MINDY3: variants seen among roughly 807,000 people sequenced by gnomAD.
MINDY3 encodes MINDY lysine 48 deubiquitinase 3.
MINDY3 carries 38 observed loss-of-function variants against 69.2 expected under a neutral mutation model. That is an observed-to-expected ratio of 0.55 (90% CI 0.42 to 0.72). MINDY3 has a LOEUF of 0.72. Ranked by LOEUF, MINDY3 falls within the 30% of genes least tolerant of loss-of-function variation. The pLI is 0.00. For missense variants in MINDY3, 522 were observed against 519.0 expected (o/e 1.01, Z -0.06); for synonymous variants, 192 against 180.1 (o/e 1.07, Z -0.53).
rs1835015590 is a variant in MINDY3, at chr10:15,860,393, G to A, written c.-94C>T. The A allele has an allele frequency of 3.3e-6, 3 of 895,748 alleles. No homozygotes were observed. The highest frequency in any genetic ancestry group is 5.4e-6 in the Non-Finnish European group (3 of 554,772). 55.5% of individuals were successfully genotyped at this position (895,748 alleles called of 1,614,324 possible). ...CCGGAAACAGCAGCTGCGGGACGGC[G>A]GCGGCAAACGAATTGGAAGGTGAGG... On this transcript the variant is annotated 5_prime_UTR_variant, in exon 1 of 15. Coordinates refer to ENST00000277632, the MANE Select transcript of MINDY3 (RefSeq NM_024948.4).
intron 8 of MINDY3, among the ~76,000 whole-genome samples, chr10:15,829,714 G>T (rs1437876097): frequency 1.3e-5 from 2 of 152,154 alleles, no homozygotes; most frequent in Admixed American, 6.5e-5. Context: ...CAGACAGAAA[G>T]CTATAGCATG....
chr10:15,818,091 T>C (rs976477774), intron 9 of MINDY3: 1 of 152,184 alleles, frequency 6.6e-6, no homozygotes, highest in African/African-American at 2.4e-5. Context: ...AGGTGAGCTG[T>C]GCAAGTCCTT....
chr10:15,837,378 G>T, intron 5 of MINDY3, 60 bp from the exon 6 acceptor site: 1 of 1,346,542 alleles, frequency 7.4e-7, no homozygotes, highest in Admixed American at 2.2e-5. Flanking sequence ...ATTCATAAAA[G>T]GGAAAATTTT....
chr10:15,790,068 T>A (rs1837295260), intron 11 of MINDY3, among the ~76,000 whole-genome samples: 1 of 152,108 alleles, frequency 6.6e-6, no homozygotes, highest in South Asian at 2.1e-4. Flanking sequence ...GTCTCAGCTT[T>A]AAATCAGCTT....
At chr10:15,832,181 G>C (rs1424685574) in intron 8 of MINDY3, among the ~76,000 whole-genome samples, 1 of 152,124 alleles carries the variant, frequency 6.6e-6, no homozygotes, top group Non-Finnish European at 1.5e-5. Context: ...GTGAGAGAGA[G>C]TGATGCGCTA....
intron 4 of MINDY3, among the ~76,000 whole-genome samples, chr10:15,840,001 C>G (rs1038476567): frequency 6.6e-6 from 1 of 151,620 alleles, no homozygotes; most frequent in Non-Finnish European, 1.5e-5. Flanking sequence ...AACTGCATAG[C>G]ATATTTCATA....
At chr10:15,851,475 C>A (rs953356845) in intron 1 of MINDY3, among the ~76,000 whole-genome samples, 3 of 151,910 alleles carry the variant, frequency 2.0e-5, no homozygotes, top group Non-Finnish European at 4.4e-5. Flanking sequence ...CTCTATGTCT[C>A]TTACCCCTTG....
intron 1 of MINDY3, among the ~76,000 whole-genome samples, chr10:15,851,908 A>G (rs889315362): frequency 1.4e-4 from 21 of 152,262 alleles, no homozygotes; most frequent in African/African-American, 4.6e-4. Context: ...TACACTTACA[A>G]TCATTATCTA....
intron 10 of MINDY3, among the ~76,000 whole-genome samples, chr10:15,797,445 T>C (rs1307628956): frequency 1.3e-5 from 2 of 152,172 alleles, no homozygotes; most frequent in African/African-American, 4.8e-5. Flanking sequence ...TGATAATGTA[T>C]ACGCCCAAGT....
rs1186456546 is a variant in MINDY3, at chr10:15,796,081, T to C, written c.955+19A>G. On this transcript the variant is annotated intron_variant, in intron 11 of 14. Coordinates refer to ENST00000277632, the MANE Select transcript of MINDY3 (RefSeq NM_024948.4). ...CATATGAAGACATAAAACACAGAGA[T>C]GATGTTAAAATCTTTTACCTTCTGG... 3.8e-6 allele frequency: 6 copies of C among 1,590,784 alleles called. No individual in the cohort carries two copies. The highest frequency in any genetic ancestry group is 5.2e-6 in the Non-Finnish European group (6 of 1,159,322).
In MINDY3 at chr10:15,843,278, C is replaced by G. The variant is rs761208261; in HGVS notation, c.175-6G>C. On this transcript the variant is annotated splice_region_variant and splice_polypyrimidine_tract_variant and intron_variant, in intron 2 of 14. Coordinates refer to ENST00000277632, the MANE Select transcript of MINDY3 (RefSeq NM_024948.4). ...AGCTTCTTCAAAAGAAATGCCTTTA[C>G]ACAATTAAAGCAATAATTAGTGAAA... 6.2e-7 allele frequency: 1 copy of G among 1,607,480 alleles called. No homozygotes were observed. Among genetic ancestry groups the G allele is most frequent in the East Asian group, 2.2e-5 (1 of 44,766 alleles).
intron 8 of MINDY3, among the ~76,000 whole-genome samples, chr10:15,827,132 A>G (rs1840135994): frequency 6.6e-6 from 1 of 150,802 alleles, no homozygotes; most frequent in African/African-American, 2.5e-5. Context: ...AATGAAAATA[A>G]AAAATCTGGG....
intron 8 of MINDY3, among the ~76,000 whole-genome samples, chr10:15,829,888 G>C (rs973261499): frequency 2.0e-5 from 3 of 152,136 alleles, no homozygotes; most frequent in African/African-American, 7.2e-5. Flanking sequence ...TAATTTAGCA[G>C]TTTGCCCACC....
chr10:15,792,374 A>G (rs932723905), intron 11 of MINDY3, among the ~76,000 whole-genome samples: 1 of 152,102 alleles, frequency 6.6e-6, no homozygotes, highest in Admixed American at 6.6e-5. Flanking sequence ...CTCATAAATA[A>G]GTAGCTCATT....
intron 8 of MINDY3, among the ~76,000 whole-genome samples, chr10:15,822,045 A>C (rs1329943446): frequency 6.6e-6 from 1 of 152,174 alleles, no homozygotes; most frequent in African/African-American, 2.4e-5. Flanking sequence ...ACAAAAATAC[A>C]AGAAGAAAAA....
At chr10:15,782,121 A>T in intron 14 of MINDY3, 34 bp downstream of exon 14, 1 of 1,459,354 alleles carries the variant, frequency 6.9e-7, no homozygotes, top group Non-Finnish European at 9.6e-7. Context: ...TCATCAACCC[A>T]GTTGAACACC....
intron 1 of MINDY3, among the ~76,000 whole-genome samples, chr10:15,851,878 T>C (rs1834326036): frequency 6.6e-6 from 1 of 152,154 alleles, no homozygotes; most frequent in African/African-American, 2.4e-5. Context: ...GTATGATCTA[T>C]CAATCCAGCT....
intron 5 of MINDY3, 40 bp from the exon 6 acceptor site, chr10:15,837,358 G>A (rs969000956): frequency 7.1e-7 from 1 of 1,409,682 alleles, no homozygotes; most frequent in South Asian, 1.3e-5. Context: ...ATCATGATGA[G>A]ATTAACTACA....
chr10:15,815,322 C>G (rs937941288), intron 10 of MINDY3, among the ~76,000 whole-genome samples: 1 of 152,138 alleles, frequency 6.6e-6, no homozygotes, highest in African/African-American at 2.4e-5. Flanking sequence ...TAAAGCTTTC[C>G]GTGCTTGAGA....
Sources: gnomAD v4.1 joint callset for allele counts (sites outside exome capture counted in the v4.1 genomes callset) on GRCh38, gnomAD v4.1.1 for gene constraint, MANE v1.5 for transcripts, NCBI Gene and HGNC (gene_info 2026-07-23, HGNC 2026-07-21) for gene names.